The following ZNRF3 variants were observed in gnomAD, a reference collection of about 807,000 sequenced individuals.
The protein encoded by ZNRF3 is zinc and ring finger 3.
A neutral mutation model predicts 72.5 loss-of-function variants in ZNRF3; 23 were observed. The observed-to-expected ratio is 0.32, with a 90% CI of 0.23 to 0.45. The LOEUF is 0.45. Ranked by LOEUF, ZNRF3 falls within the 20% of genes least tolerant of loss-of-function variation. The pLI is 1.00. For missense variants in ZNRF3, 1,169 were observed against 1,272.1 expected (o/e 0.92, Z 1.23); for synonymous variants, 610 against 545.3 (o/e 1.12, Z -1.65).
intron 2 of ZNRF3, chr22:28,992,593 G>A (rs921946943): frequency 2.6e-5 from 4 of 152,242 alleles, no homozygotes; most frequent in African/African-American, 9.7e-5. Flanking sequence ...AGGCTAGTCA[G>A]CTGTACCCTG....
At chr22:28,909,725 C>T (rs924150497) in intron 1 of ZNRF3, among the ~76,000 whole-genome samples, 5 of 148,334 alleles carry the variant, frequency 3.4e-5, no homozygotes, top group East Asian at 2.0e-4. Context: ...GGACTATAGG[C>T]GCATGCCACC....
At chr22:28,904,349 A>T (rs890810537) in intron 1 of ZNRF3, among the ~76,000 whole-genome samples, 1 of 152,254 alleles carries the variant, frequency 6.6e-6, no homozygotes, top group African/African-American at 2.4e-5. Flanking sequence ...AACTCTAATT[A>T]GCTCATTCCT....
Position 29,030,109 on chromosome 22 carries a change from C to T in ZNRF3, c.427-12386C>T, listed in dbSNP as rs1217910848. On this transcript the variant is annotated intron_variant, in intron 2 of 8. Coordinates refer to ENST00000544604, the MANE Select transcript of ZNRF3 (RefSeq NM_001206998.2). The surrounding 1 kb of genome is among the most constrained non-coding windows in gnomAD (Gnocchi z 4.2). Reference sequence around the variant, plus strand: ...CGGTTTTTTCCATAACATCTTTCACCCCACAGTATCGATGGAGCAGGAGGG... The same window carrying T: ...CGGTTTTTTCCATAACATCTTTCACTCCACAGTATCGATGGAGCAGGAGGG... Among the ~76,000 whole-genome samples the T allele has an allele frequency of 6.6e-6, 1 of 152,174 alleles. No individual in the cohort carries two copies. Among genetic ancestry groups the T allele is most frequent in the Non-Finnish European group, 1.5e-5 (1 of 68,042 alleles).
intron 1 of ZNRF3, among the ~76,000 whole-genome samples, chr22:28,949,851 A>G (rs2035125437): frequency 6.6e-6 from 1 of 152,206 alleles, no homozygotes; most frequent in East Asian, 1.9e-4. Flanking sequence ...AAAGTTGACT[A>G]GTTTGGCTTA....
intron 8 of ZNRF3, among the ~76,000 whole-genome samples, 187 bp from the exon 9 acceptor site, chr22:29,053,392 G>C (rs1308196650): frequency 6.6e-6 from 1 of 152,196 alleles, no homozygotes; most frequent in Non-Finnish European, 1.5e-5. Context: ...CAAGTGAGAG[G>C]CTGGCTCTCC....
chr22:28,887,198 C>A (rs1267599090), intron 1 of ZNRF3, among the ~76,000 whole-genome samples: 1 of 150,754 alleles, frequency 6.6e-6, no homozygotes, highest in East Asian at 1.9e-4. Flanking sequence ...TTTTTAACCC[C>A]CCTCCTTATT....
intron 1 of ZNRF3, among the ~76,000 whole-genome samples, chr22:28,947,853 C>CT (rs34154639): frequency 0.14 from 21,203 of 150,616 alleles, 2,059 homozygotes; most frequent in East Asian, 0.42. Flanking sequence ...ACAAAAATAA[C>CT]TTTTTTTTTT....
intron 2 of ZNRF3, among the ~76,000 whole-genome samples, chr22:28,993,773 C>T (rs2035996113): frequency 6.6e-6 from 1 of 152,178 alleles, no homozygotes; most frequent in Admixed American, 6.5e-5. Flanking sequence ...GCCTCAAACT[C>T]CCGGGCTCAA....
chr22:28,896,795 C>CTGAG (rs2034006959), intron 1 of ZNRF3, among the ~76,000 whole-genome samples: 2 of 152,162 alleles, frequency 1.3e-5, no homozygotes, highest in Non-Finnish European at 2.9e-5. Flanking sequence ...ATAAAGGTAG[C>CTGAG]TTGTGGCTGA....
intron 2 of ZNRF3, 75 bp downstream of exon 2, chr22:28,987,276 T>C (rs937020391): frequency 3.2e-6 from 5 of 1,549,950 alleles, no homozygotes; most frequent in Admixed American, 2.0e-5. Flanking sequence ...ATTCCTCAAA[T>C]AGTTGATTAT....
chr22:28,993,221 C>A (rs2123834147), intron 2 of ZNRF3, among the ~76,000 whole-genome samples: 1 of 152,308 alleles, frequency 6.6e-6, no homozygotes, highest in Admixed American at 6.5e-5. Flanking sequence ...TTGAGGAACC[C>A]AGTGGAACCA....
intron 1 of ZNRF3, among the ~76,000 whole-genome samples, chr22:28,939,369 A>G (rs2034899834): frequency 6.6e-6 from 1 of 152,076 alleles, no homozygotes; most frequent in African/African-American, 2.4e-5. Context: ...AGAAGTAGCT[A>G]TTGTTGTGTT....
chr22:29,042,439 C>G, intron 2 of ZNRF3, 56 bp from the exon 3 acceptor site: 1 of 1,548,476 alleles, frequency 6.5e-7, no homozygotes. Context: ...CCAAGGCCAA[C>G]TTTGAAAAGG....
At chr22:28,986,614 C>G (rs1001286270) in intron 1 of ZNRF3, 2 of 985,214 alleles carry the variant, frequency 2.0e-6, no homozygotes, top group Non-Finnish European at 2.4e-6. Flanking sequence ...GCATAGAGTC[C>G]GGGATGTGTT....
intron 2 of ZNRF3, among the ~76,000 whole-genome samples, chr22:28,990,903 T>C (rs1186170890): frequency 6.6e-6 from 1 of 152,068 alleles, no homozygotes; most frequent in Non-Finnish European, 1.5e-5. Flanking sequence ...CAAAGCCTGG[T>C]TGGCCCTGAT....
chr22:28,906,651 T>C (rs2034213421), intron 1 of ZNRF3, among the ~76,000 whole-genome samples: 1 of 152,228 alleles, frequency 6.6e-6, no homozygotes, highest in South Asian at 2.1e-4. Context: ...TGCTACAAAA[T>C]TGTGACTCTC....
chr22:28,895,776 G>T (rs1197911260), intron 1 of ZNRF3, among the ~76,000 whole-genome samples: 1 of 152,180 alleles, frequency 6.6e-6, no homozygotes, highest in East Asian at 1.9e-4. Context: ...CAGAACTTGG[G>T]GTTCTCGGGG....
At chr22:28,906,112 C>G (rs1297577569) in intron 1 of ZNRF3, among the ~76,000 whole-genome samples, 1 of 152,170 alleles carries the variant, frequency 6.6e-6, no homozygotes, top group Non-Finnish European at 1.5e-5. Flanking sequence ...ATTGCTTGAG[C>G]CTAGGAGTTT....
intron 1 of ZNRF3, among the ~76,000 whole-genome samples, chr22:28,923,913 C>T (rs562743964): frequency 6.6e-5 from 10 of 152,244 alleles, no homozygotes; most frequent in Admixed American, 1.3e-4. Flanking sequence ...GGGGACCGAG[C>T]GGGCGAGGCC....
Sources: allele counts gnomAD v4.1 joint callset (sites outside exome capture counted in the v4.1 genomes callset), GRCh38; gene constraint gnomAD v4.1.1; non-coding constraint Gnocchi (gnomAD v3.1); transcripts MANE v1.5; gene names NCBI Gene and HGNC (gene_info 2026-07-23, HGNC 2026-07-21).